Variants in TENM3 observed in about 807,000 individuals in gnomAD.
The protein encoded by TENM3 is teneurin-3.
Under a neutral mutation model 255.1 loss-of-function variants are expected in TENM3, and 63 were observed. The observed-to-expected ratio is 0.25, with a 90% confidence interval of 0.20 to 0.30. The LOEUF is 0.30. TENM3 is among the 10% of genes least tolerant of loss of function. The pLI, the probability that TENM3 is intolerant of heterozygous loss-of-function variation, is 1.00. For synonymous variants in TENM3, 1,306 were observed against 1,322.3 expected (o/e 0.99, Z 0.27); for missense variants, 2,929 against 3,461.1 (o/e 0.85, Z 3.86).
At chr4:182,293,243 G>A (rs1365372727) in intron 1 of TENM3, among the ~76,000 whole-genome samples, 1 of 152,168 alleles carries the variant, frequency 6.6e-6, no homozygotes, top group African/African-American at 2.4e-5. Flanking sequence ...TTCCTCCACT[G>A]CCCACGAGCA....
intron 1 of TENM3, among the ~76,000 whole-genome samples, chr4:182,301,644 TACAATAGAAC>T (rs1174603159): frequency 4.6e-5 from 7 of 152,274 alleles, no homozygotes; most frequent in Non-Finnish European, 1.0e-4. Flanking sequence ...TGACACTATC[TACAATAGAAC>T]ACACCACTGG....
At chr4:182,123,082 G>A in the TENM3 span, among the ~76,000 whole-genome samples, 7 of 152,272 alleles carry the variant, frequency 4.6e-5, no homozygotes, top group Non-Finnish European at 1.0e-4. Context: ...AGCCTTCTTA[G>A]AATTGAAGAA....
At chr4:182,362,659 T>C (rs894383383) in intron 3 of TENM3, among the ~76,000 whole-genome samples, 2 of 152,158 alleles carry the variant, frequency 1.3e-5, no homozygotes, top group Non-Finnish European at 2.9e-5. Context: ...GGGAACTCCA[T>C]GACCCCTTGC....
the TENM3 span, among the ~76,000 whole-genome samples, chr4:181,904,840 G>A: frequency 0.065 from 9,968 of 152,228 alleles, 433 homozygotes; most frequent in East Asian, 0.24. Flanking sequence ...GAGGGACCAC[G>A]TGGGAGATGA....
At chr4:182,074,012 G>C in the TENM3 span, among the ~76,000 whole-genome samples, 1 of 152,056 alleles carries the variant, frequency 6.6e-6, no homozygotes, top group Non-Finnish European at 1.5e-5. Flanking sequence ...CTGAATTTTC[G>C]ATACTCAATA....
At chr4:181,621,609 A>G in the TENM3 span, among the ~76,000 whole-genome samples, 51 of 152,284 alleles carry the variant, frequency 3.3e-4, no homozygotes, top group African/African-American at 1.2e-3. Context: ...ATTTCTGTCC[A>G]GGGTCTCACA....
chr4:182,445,101 G>A (rs1772809992), intron 3 of TENM3, among the ~76,000 whole-genome samples: 1 of 152,146 alleles, frequency 6.6e-6, no homozygotes, highest in African/African-American at 2.4e-5. Flanking sequence ...GAGCCACCGT[G>A]CCTGGCCAAT....
the TENM3 span, among the ~76,000 whole-genome samples, chr4:181,670,940 G>T: frequency 1.1e-4 from 17 of 152,264 alleles, no homozygotes; most frequent in Non-Finnish European, 2.1e-4. Context: ...TTCAAAATGG[G>T]ATTCTTGGCA....
chr4:182,315,398 A>C (rs1762695143), intron 1 of TENM3, among the ~76,000 whole-genome samples: 1 of 148,498 alleles, frequency 6.7e-6, no homozygotes, highest in South Asian at 2.1e-4. Flanking sequence ...TGGGATATAA[A>C]ATTCTAGGGT....
chr4:182,787,671 G>A (rs763482273), intron 24 of TENM3, among the ~76,000 whole-genome samples: 6 of 148,380 alleles, frequency 4.0e-5, no homozygotes, highest in Admixed American at 1.4e-4. Context: ...GGAGGCGGAG[G>A]CTGCAGTGAG....
the TENM3 span, among the ~76,000 whole-genome samples, chr4:181,904,102 T>C: frequency 8.5e-5 from 13 of 152,156 alleles, no homozygotes; most frequent in Non-Finnish European, 1.5e-4. Context: ...CCATATTTAC[T>C]GCAAAAACTT....
At chr4:181,474,198 G>C in the TENM3 span, among the ~76,000 whole-genome samples, 1 of 152,018 alleles carries the variant, frequency 6.6e-6, no homozygotes, top group East Asian at 1.9e-4. Context: ...ATAGCATTAC[G>C]ACAAATACCT....
chr4:182,502,153 T>C (rs1736380131), intron 3 of TENM3, among the ~76,000 whole-genome samples: 1 of 152,210 alleles, frequency 6.6e-6, no homozygotes, highest in African/African-American at 2.4e-5. Flanking sequence ...TGTTGAAATG[T>C]CTACTGCCAT....
chr4:181,862,985 G>A, the TENM3 span, among the ~76,000 whole-genome samples: 1 of 152,158 alleles, frequency 6.6e-6, no homozygotes, highest in Non-Finnish European at 1.5e-5. Flanking sequence ...GAATGCTCAC[G>A]TGAATCATGT....
chr4:182,264,105 G>A (rs184365325), intron 1 of TENM3, among the ~76,000 whole-genome samples: 41 of 152,102 alleles, frequency 2.7e-4, no homozygotes, highest in Admixed American at 2.7e-3. Context: ...TGTGCAAATG[G>A]CTAAATGAAT....
At chr4:182,605,468 C>A (rs1353136811) in intron 4 of TENM3, among the ~76,000 whole-genome samples, 1 of 140,180 alleles carries the variant, frequency 7.1e-6, no homozygotes, top group African/African-American at 2.7e-5. Context: ...CTTAAAGTTT[C>A]ACCATCATCA....
At chr4:181,814,827 A>T in the TENM3 span, among the ~76,000 whole-genome samples, 1 of 152,108 alleles carries the variant, frequency 6.6e-6, no homozygotes, top group African/African-American at 2.4e-5. Flanking sequence ...GAAGCAGAAG[A>T]GAGGGAGGGA....
the TENM3 span, among the ~76,000 whole-genome samples, chr4:181,763,344 C>A: frequency 6.6e-6 from 1 of 152,080 alleles, no homozygotes; most frequent in South Asian, 2.1e-4. Flanking sequence ...GTACAATTAG[C>A]GTCAACATCA....
At chr4:181,771,699 G>C in the TENM3 span, among the ~76,000 whole-genome samples, 3 of 152,220 alleles carry the variant, frequency 2.0e-5, no homozygotes, top group African/African-American at 7.2e-5. Context: ...TCAACCGGCT[G>C]TGTTTTTTAA....
Sources: allele counts gnomAD v4.1 joint callset (sites outside exome capture counted in the v4.1 genomes callset), GRCh38; gene constraint gnomAD v4.1.1; transcripts MANE v1.5; gene names NCBI Gene and HGNC (gene_info 2026-07-23, HGNC 2026-07-21).